Variants in MCC observed in about 807,000 individuals in gnomAD.
MCC encodes the protein colorectal mutant cancer protein.
A neutral mutation model predicts 116.2 loss-of-function variants in MCC; 90 were observed. That is an observed-to-expected ratio of 0.77 (90% CI 0.65 to 0.92). The LOEUF (loss-of-function observed/expected upper bound fraction) is 0.92, where lower values mean the gene tolerates loss of function less well. MCC is among the 40% of genes least tolerant of loss of function. The pLI, the probability that MCC is intolerant of heterozygous loss-of-function variation, is 0.00. For synonymous variants in MCC, 578 were observed against 510.5 expected, an observed-to-expected ratio of 1.13 and a Z score of -1.78; for missense variants, 1,516 against 1,312.2, an observed-to-expected ratio of 1.16 and a Z score of -2.40.
chr5:113,102,796 T>C (rs1489408129), intron 7 of MCC, among the ~76,000 whole-genome samples: 3 of 151,298 alleles, frequency 2.0e-5, no homozygotes, highest in African/African-American at 7.4e-5. Flanking sequence ...TATGAAGAGG[T>C]AGAAGGCAGT....
At chr5:113,080,119 G>C (rs1279707537) in intron 11 of MCC, among the ~76,000 whole-genome samples, 1 of 152,206 alleles carries the variant, frequency 6.6e-6, no homozygotes, top group Non-Finnish European at 1.5e-5. Context: ...TCTCACACCA[G>C]TTAGAATGGC....
intron 14 of MCC, among the ~76,000 whole-genome samples, chr5:113,061,805 A>T (rs1753240115): frequency 6.6e-6 from 1 of 152,216 alleles, no homozygotes; most frequent in South Asian, 2.1e-4. Flanking sequence ...GCGGGGGGAA[A>T]GGAGATTTGC....
intron 8 of MCC, among the ~76,000 whole-genome samples, chr5:113,090,227 C>T (rs916835564): frequency 1.3e-5 from 2 of 151,816 alleles, no homozygotes; most frequent in Non-Finnish European, 2.9e-5. Flanking sequence ...CGGGCAATAA[C>T]AAACGTGATT....
chr5:113,109,670 G>A (rs1756969102), intron 6 of MCC, among the ~76,000 whole-genome samples: 1 of 152,180 alleles, frequency 6.6e-6, no homozygotes, highest in East Asian at 1.9e-4. Flanking sequence ...TATAATAAAT[G>A]TATATCAGTG....
chr5:113,416,796 T>A (rs1345874942), intron 1 of MCC, among the ~76,000 whole-genome samples: 1 of 152,146 alleles, frequency 6.6e-6, no homozygotes, highest in Non-Finnish European at 1.5e-5. Flanking sequence ...AATAAACAGA[T>A]AAAATTGATA....
At chr5:113,296,916 A>G (rs1433115536) in intron 3 of MCC, among the ~76,000 whole-genome samples, 2 of 152,198 alleles carry the variant, frequency 1.3e-5, no homozygotes, top group Non-Finnish European at 2.9e-5. Context: ...GTGTTCAACC[A>G]AAAGAAAAGT....
intron 1 of MCC, among the ~76,000 whole-genome samples, chr5:113,470,772 T>A (rs1772063078): frequency 9.2e-6 from 1 of 108,724 alleles, no homozygotes; most frequent in African/African-American, 3.6e-5. Context: ...TATCCTGCAG[T>A]GTTTTCCAAC....
intron 3 of MCC, among the ~76,000 whole-genome samples, chr5:113,194,394 G>A (rs560648642): frequency 3.2e-4 from 49 of 152,158 alleles, no homozygotes; most frequent in African/African-American, 1.2e-3. Flanking sequence ...GGTCTGCGTG[G>A]GGGCTCACTC....
intron 14 of MCC, among the ~76,000 whole-genome samples, chr5:113,057,231 CTT>C (rs966729268): frequency 1.4e-4 from 21 of 152,120 alleles, no homozygotes; most frequent in Admixed American, 1.4e-3. Flanking sequence ...AGGGCTGTGT[CTT>C]TTTCTCTAGG....
chr5:113,481,042 G>T (rs144827546), intron 1 of MCC, among the ~76,000 whole-genome samples: 137 of 152,304 alleles, frequency 9.0e-4, no homozygotes, highest in African/African-American at 3.0e-3. Context: ...CTCCCAAAGT[G>T]CAGGGATTAC....
intron 3 of MCC, among the ~76,000 whole-genome samples, chr5:113,230,765 G>A (rs1763910273): frequency 6.6e-6 from 1 of 152,158 alleles, no homozygotes; most frequent in East Asian, 1.9e-4. Context: ...CCTCAGTTAT[G>A]TGAACCTAGC....
chr5:113,088,078 AC>A (rs1755330788), intron 8 of MCC, among the ~76,000 whole-genome samples: 1 of 152,162 alleles, frequency 6.6e-6, no homozygotes, highest in Non-Finnish European at 1.5e-5. Flanking sequence ...AAAACTTCGG[AC>A]CCAGAGAATG....
At chr5:113,063,073 C>T (rs10478102) in intron 14 of MCC, among the ~76,000 whole-genome samples, 58,227 of 151,998 alleles carry the variant, frequency 0.38, 11,264 homozygotes, top group African/African-American at 0.44. Context: ...CTCTTATCAC[C>T]AGGCAGGTCA....
At chr5:113,051,189 A>T (rs1349258537) in intron 15 of MCC, among the ~76,000 whole-genome samples, 1 of 152,150 alleles carries the variant, frequency 6.6e-6, no homozygotes, top group Admixed American at 6.5e-5. Flanking sequence ...GCAACCCAGG[A>T]TCCTCAGGGC....
chr5:113,388,358 G>A (rs569459023), intron 1 of MCC, among the ~76,000 whole-genome samples: 107 of 152,244 alleles, frequency 7.0e-4, no homozygotes, highest in Admixed American at 5.3e-3. Flanking sequence ...GCCTGCAGGG[G>A]AATTACAATT....
chr5:113,169,213 G>T (rs1264091039), intron 3 of MCC, among the ~76,000 whole-genome samples: 6 of 152,078 alleles, frequency 3.9e-5, no homozygotes, highest in Non-Finnish European at 2.9e-5. Flanking sequence ...AAAGAGTAGG[G>T]GGAAGAGGGA....
chr5:113,082,960 A>C lies in MCC; in HGVS notation c.1684T>G (p.Ser562Ala), dbSNP rs1267963350. Residue 562 changes from serine (S) to alanine (A), a missense_variant, in exon 11 of 19, where the codon TCC becomes GCC. Transcript: ENST00000408903. The stretch of plus-strand genomic sequence containing the variant: ...GTTTGGAAAATCTCTTGGATATTGG[A>C]GCAGTCCTGAAGTGAGTGGGCCAGG... ...EHLAHSLQDC[S>A]NIQEIFQTLY... is the part of the protein sequence containing the mutation. The C allele has an allele frequency of 6.2e-7, 1 of 1,614,154 alleles. No homozygotes were observed. The highest frequency in any genetic ancestry group is 8.5e-7 in the Non-Finnish European group (1 of 1,180,026).
intron 3 of MCC, among the ~76,000 whole-genome samples, chr5:113,287,323 C>T (rs1766302667): frequency 6.6e-6 from 1 of 152,058 alleles, no homozygotes; most frequent in Non-Finnish European, 1.5e-5. Context: ...ACTTTGAAAT[C>T]TTCATCAACA....
intron 5 of MCC, among the ~76,000 whole-genome samples, chr5:113,130,947 C>A (rs1758386597): frequency 6.6e-6 from 1 of 152,192 alleles, no homozygotes; most frequent in Non-Finnish European, 1.5e-5. Flanking sequence ...CTTCATCTAA[C>A]CCTGATTCTC....
Sources: allele counts gnomAD v4.1 joint callset (sites outside exome capture counted in the v4.1 genomes callset), GRCh38; gene constraint gnomAD v4.1.1; transcripts MANE v1.5; gene names NCBI Gene and HGNC (gene_info 2026-07-23, HGNC 2026-07-21).